GPR135: variants seen among roughly 807,000 people sequenced by gnomAD.
GPR135 encodes G protein-coupled receptor 135.
A neutral mutation model predicts 15.0 loss-of-function variants in GPR135; 17 were observed. The ratio of observed to expected loss-of-function variants is 1.13; its 90% CI spans 0.78 to 1.70. The LOEUF is 1.70. GPR135 is among the 40% of genes most tolerant of loss of function. The pLI is 0.00. For missense variants in GPR135, 776 were observed against 727.0 expected (o/e 1.07, Z -0.78); for synonymous variants, 368 against 349.4 (o/e 1.05, Z -0.59).
exon 6 of GPR135, chr14:59,455,721 TC>T (rs1566544576): frequency 1.8e-5 from 1 of 56,952 alleles, no homozygotes; most frequent in Non-Finnish European, 3.4e-5. Flanking sequence ...TGCTTGAGTG[TC>T]CTCACAACAT....
At position 59,465,016 on chromosome 14, in the gene GPR135, CGCCGCCACCGGGAGCGGCAGCTGT is replaced by C. The variant is rs1257175431; in HGVS notation, c.187_210del (p.Thr63_Gly70del). On this transcript the variant is annotated inframe_deletion, in exon 1 of 1. Transcript: ENST00000395116. ...CGCGCTGCCCCGGACCCGCCAAGGC[CGCCGCCACCGGGAGCGGCAGCTGT>C]GCCGCCTCCGCTTGCGTCGCTCAGG... 11 of 1,333,924 alleles carry C rather than the reference CGCCGCCACCGGGAGCGGCAGCTGT, an allele frequency of 8.2e-6. No homozygotes were observed. The Admixed American group carries it at 1.9e-4, about 23-fold the overall frequency. The allele number at this position is 1,333,924 out of a possible 1,614,324, so 82.6% of individuals were successfully genotyped here.
In GPR135 at chr14:59,464,564, G is replaced by A. The variant is rs1010393888; in HGVS notation, c.663C>T (p.Ile221=). The A allele has an allele frequency of 6.4e-6, 10 of 1,571,818 alleles. No homozygotes were observed. The highest frequency in any genetic ancestry group is 1.4e-5 in the African/African-American group (1 of 72,342). The part of the protein sequence containing the change: ...CAIVRPPREK[I]GRRRALQLLA... ...GCAGCTGCAGCGCGCGGCGGCGGCC[G>A]ATCTTCTCCCGCGGCGGCCGCACGA... Residue 221 remains isoleucine, a synonymous_variant, in exon 1 of 1, where the codon ATC becomes ATT. Coordinates refer to ENST00000395116, the MANE Select transcript of GPR135 (RefSeq NM_022571.6).
rs1210423278 is a variant in GPR135 at position 59,464,551 on chromosome 14, CGCG to C, written c.673_675del (p.Arg225del). 2 of 1,560,706 alleles carry C rather than the reference CGCG, an allele frequency of 1.3e-6. No homozygotes were observed. Among genetic ancestry groups the C allele is most frequent in the South Asian group, 1.2e-5 (1 of 86,498 alleles). On this transcript the variant is annotated inframe_deletion, in exon 1 of 1. Transcript: ENST00000395116. Reference sequence around the variant, plus strand: ...CAGGCGCCCGCCAGCAGCTGCAGCGCGCGGCGGCGGCCGATCTTCTCCCGCGGC... The same window carrying C: ...CAGGCGCCCGCCAGCAGCTGCAGCGCGCGGCGGCCGATCTTCTCCCGCGGC...
downstream of GPR135, chr14:59,458,757 G>A (rs1888752057): frequency 6.6e-6 from 1 of 152,174 alleles, no homozygotes. Context: ...AATAATCATG[G>A]CCCCAGTATT....
Position 59,463,616 on chromosome 14 carries a change from TA to T in GPR135, c.*125del. On this transcript the variant is annotated 3_prime_UTR_variant, in exon 1 of 1. Coordinates refer to ENST00000395116, the MANE Select transcript of GPR135 (RefSeq NM_022571.6). ...CTTTTATGTTGTTTGGGGAAAGTGG[TA>T]AGCCTCCCCCGTCTCTAGCTTTAAA... 1 of 898,528 alleles carries T rather than the reference TA, an allele frequency of 1.1e-6. No individual in the cohort carries two copies. The highest frequency in any genetic ancestry group is 1.6e-6 in the Non-Finnish European group (1 of 606,266). The allele number at this position is 898,528 out of a possible 1,614,324, so 55.7% of individuals were successfully genotyped here.
Position 59,461,533 on chromosome 14 carries a change from G to A in GPR135, c.*2209C>T, listed in dbSNP as rs1888858475. 1 of 152,030 alleles carries A rather than the reference G, an allele frequency of 6.6e-6. No homozygotes were observed. Among genetic ancestry groups the A allele is most frequent in the African/African-American group, 2.4e-5 (1 of 41,384 alleles). 9.4% of individuals were successfully genotyped at this position (152,030 alleles called of 1,614,324 possible). On this transcript the variant is annotated 3_prime_UTR_variant, in exon 1 of 1. Transcript: ENST00000395116. ...CCTAAAACTTCCTGCCACCGAAAAG[G>A]TAGGGCTGGAATTCCTTTTCTTCCT...
chr14:59,463,500 T>C lies in GPR135; in HGVS notation c.*242A>G, dbSNP rs1888944278. On this transcript the variant is annotated 3_prime_UTR_variant, in exon 1 of 1. Coordinates refer to ENST00000395116, the MANE Select transcript of GPR135 (RefSeq NM_022571.6). The stretch of plus-strand genomic sequence containing the variant: ...TGTTATTTTTGTCATTTTTGGCACT[T>C]ACAGTTCACAATGCTTGGTTATGTG... 3.9e-6 allele frequency: 2 copies of C among 515,522 alleles called. No homozygotes were observed. Among genetic ancestry groups the C allele is most frequent in the African/African-American group, 1.9e-5 (1 of 51,902 alleles). The allele number at this position is 515,522 out of a possible 1,614,324, so 31.9% of individuals were successfully genotyped here. A position where few individuals can be genotyped will look rare whatever the true frequency, so the allele number is the denominator to read the frequency against.
downstream of GPR135, among the ~76,000 whole-genome samples, chr14:59,457,447 A>T (rs1400229535): frequency 6.6e-6 from 1 of 152,104 alleles, no homozygotes; most frequent in African/African-American, 2.4e-5. Context: ...GTCACATTAC[A>T]CATATATTAA....
At chr14:59,459,648 T>A (rs1361201496), downstream of GPR135, among the ~76,000 whole-genome samples, 1 of 152,240 alleles carries the variant, frequency 6.6e-6, no homozygotes, top group African/African-American at 2.4e-5. Context: ...AATAATTACT[T>A]TCTTTCTTAC....
rs1278602203 is a variant in GPR135, at chr14:59,463,636, C to G, written c.*106G>C. 2.7e-6 allele frequency: 3 copies of G among 1,116,364 alleles called. No individual in the cohort carries two copies. The highest frequency in any genetic ancestry group is 3.8e-6 in the Non-Finnish European group (3 of 794,486). 69.2% of individuals were successfully genotyped at this position (1,116,364 alleles called of 1,614,324 possible). On this transcript the variant is annotated 3_prime_UTR_variant, in exon 1 of 1. Coordinates refer to ENST00000395116, the MANE Select transcript of GPR135 (RefSeq NM_022571.6). Reference sequence around the variant, plus strand: ...AGTGGTAAGCCTCCCCCGTCTCTAGCTTTAAATGTTTGGCTTTATGAAATC... The same window carrying G: ...AGTGGTAAGCCTCCCCCGTCTCTAGGTTTAAATGTTTGGCTTTATGAAATC...
Position 59,464,105 on chromosome 14 carries a change from C to A in GPR135, c.1122G>T (p.Trp374Cys). 1 of 1,611,790 alleles carries A rather than the reference C, an allele frequency of 6.2e-7. No homozygotes were observed. ...TGATGGCCCCATTGGCCCAGGTCAG[C>A]CAGACGGCCACCACGCTGAGGAGCG... ...APSLLSVVAV[W>C]LTWANGAINP... The change falls in exon 1 of 1, where the codon TGG becomes TGT. Residue 374 changes from tryptophan (W) to cysteine (C), a missense_variant. Physicochemically the swap from Trp to Cys is radical, Grantham distance 215. Coordinates refer to ENST00000395116, the MANE Select transcript of GPR135 (RefSeq NM_022571.6).
intron 6 of GPR135, among the ~76,000 whole-genome samples, chr14:59,454,957 G>A (rs962110645): frequency 2.6e-5 from 4 of 152,000 alleles, no homozygotes; most frequent in African/African-American, 4.8e-5. Flanking sequence ...AAAATTAGCC[G>A]GGCCTGGTGG....
downstream of GPR135, among the ~76,000 whole-genome samples, chr14:59,458,027 G>T (rs944649476): frequency 6.6e-5 from 10 of 152,280 alleles, no homozygotes; most frequent in African/African-American, 2.4e-4. Context: ...CCTTCTGTGA[G>T]GCTTATTACT....
chr14:59,464,543 CT>C lies in GPR135; in HGVS notation c.683del (p.Gln228ArgfsTer8). ...REKIGRRRAL[Q>X]LLAGAWLTAL... ...CCGTCAGCCAGGCGCCCGCCAGCAG[CT>C]GCAGCGCGCGGCGGCGGCCGATCTT... On this transcript the variant is annotated frameshift_variant, in exon 1 of 1. Transcript: ENST00000395116. LOFTEE classifies it high-confidence loss of function. 6.4e-7 allele frequency: 1 copy of C among 1,556,122 alleles called. No homozygotes were observed.
chr14:59,464,070 A>T lies in GPR135; in HGVS notation c.1157T>A (p.Ile386Asn). Reference protein sequence around the residue: ...TWANGAINPVIYAIRNPNISM... With the variant: ...TWANGAINPVNYAIRNPNISM... Reference sequence around the variant, plus strand: ...AATGTTGGGATTGCGGATGGCGTAGATGACAGGGTTGATGGCCCCATTGGC... The same window carrying T: ...AATGTTGGGATTGCGGATGGCGTAGTTGACAGGGTTGATGGCCCCATTGGC... The change falls in exon 1 of 1, where the codon ATC becomes AAC. Residue 386 changes from isoleucine (I) to asparagine (N), a missense_variant. Ile to Asn is a moderately radical substitution (Grantham distance 149). Coordinates refer to ENST00000395116, the MANE Select transcript of GPR135 (RefSeq NM_022571.6). 2 of 1,613,272 alleles carry T rather than the reference A, an allele frequency of 1.2e-6. No individual in the cohort carries two copies. The highest frequency in any genetic ancestry group is 1.7e-6 in the Non-Finnish European group (2 of 1,180,006).
intron 6 of GPR135, among the ~76,000 whole-genome samples, chr14:59,454,351 T>G (rs1341823397): frequency 6.6e-6 from 1 of 152,196 alleles, no homozygotes; most frequent in Non-Finnish European, 1.5e-5. Flanking sequence ...GACAGCCTAT[T>G]GTGGGAACCC....
chr14:59,459,686 G>A (rs1050091648), downstream of GPR135, among the ~76,000 whole-genome samples: 2 of 152,194 alleles, frequency 1.3e-5, no homozygotes, highest in African/African-American at 4.8e-5. Context: ...CTAGAATTTA[G>A]ATCAATTGTA....
chr14:59,464,319 G>A lies in GPR135; in HGVS notation c.908C>T (p.Thr303Met). Residue 303 changes from threonine (T) to methionine (M), a missense_variant, in exon 1 of 1, where the codon ACG becomes ATG. By Grantham distance (81) the Thr-to-Met change is moderately conservative. Transcript: ENST00000395116. ...CACGCGCACGTCCGACAGGCGCACC[G>A]TCTTGCAGATGTGGTAGTGGCAGAA... ...MCFCHYHICK[T>M]VRLSDVRVRP... 2 of 1,611,242 alleles carry A rather than the reference G, an allele frequency of 1.2e-6. No homozygotes were observed. The highest frequency in any genetic ancestry group is 1.1e-5 in the South Asian group (1 of 90,914).
chr14:59,457,819 G>A (rs990877049), downstream of GPR135, among the ~76,000 whole-genome samples: 3 of 152,072 alleles, frequency 2.0e-5, no homozygotes, highest in Admixed American at 2.0e-4. Flanking sequence ...TCCCTCTCAT[G>A]GAGAGTTTCT....
Sources: gnomAD v4.1 joint callset for allele counts (sites outside exome capture counted in the v4.1 genomes callset) on GRCh38, gnomAD v4.1.1 for gene constraint, MANE v1.5 for transcripts, NCBI Gene and HGNC (gene_info 2026-07-23, HGNC 2026-07-21) for gene names.